Variants in PCDH15 observed in about 807,000 individuals in gnomAD.
The protein encoded by PCDH15 is protocadherin-15.
In PCDH15, 129 loss-of-function variants were observed where a neutral mutation model predicts 178.5. The ratio of observed to expected loss-of-function variants is 0.72; its 90% CI spans 0.63 to 0.84. PCDH15 has a LOEUF of 0.84. PCDH15 is among the 40% of genes least tolerant of loss of function. PCDH15 has a pLI of 0.00. For missense variants in PCDH15, 2,230 were observed against 2,099.9 expected, an observed-to-expected ratio of 1.06 and a Z score of -1.21; for synonymous variants, 800 against 732.0, an observed-to-expected ratio of 1.09 and a Z score of -1.50.
intron 3 of PCDH15, among the ~76,000 whole-genome samples, chr10:54,451,343 G>GAATCT (rs2076466697): frequency 6.6e-6 from 1 of 151,834 alleles, no homozygotes; most frequent in Non-Finnish European, 1.5e-5. Flanking sequence ...TTCAACTAGT[G>GAATCT]AGCATTATCT....
intron 2 of PCDH15, among the ~76,000 whole-genome samples, chr10:55,086,430 A>G (rs940109804): frequency 1.3e-5 from 2 of 152,216 alleles, no homozygotes; most frequent in African/African-American, 4.8e-5. Flanking sequence ...GTCAAAAATT[A>G]TCACTATAAA....
chr10:54,430,416 CACAAA>C lies in PCDH15; in HGVS notation c.158-51479_158-51475del, dbSNP rs199648922. On this transcript the variant is annotated intron_variant, in intron 3 of 37. Transcript: ENST00000644397. Reference sequence around the variant, plus strand: ...CTCAAGGATAGAACATGTGTTAGATCACAAAACAAGTCTTAAAACATTCAAAAAAA... The same window carrying C: ...CTCAAGGATAGAACATGTGTTAGATCACAAGTCTTAAAACATTCAAAAAAA... Among the ~76,000 whole-genome samples the C allele has an allele frequency of 6.0e-3, 918 of 152,188 alleles. 1 individual carries two copies. Among genetic ancestry groups the C allele is most frequent in the Non-Finnish European group, 0.011 (738 of 68,018 alleles).
intron 2 of PCDH15, among the ~76,000 whole-genome samples, chr10:55,076,129 G>A (rs1419393227): frequency 6.6e-6 from 1 of 152,106 alleles, no homozygotes; most frequent in Admixed American, 6.6e-5. Flanking sequence ...TTTAAAAAAT[G>A]AGACTTGTTT....
chr10:54,772,598 T>A (rs116847531), intron 1 of PCDH15, among the ~76,000 whole-genome samples: 151,671 of 152,210 alleles, frequency 1, 75,570 homozygotes, highest in Middle Eastern at 1. Flanking sequence ...TGGCTCTTAT[T>A]AACGTTCAAA....
intron 16 of PCDH15, among the ~76,000 whole-genome samples, chr10:54,087,174 T>C (rs1424024998): frequency 6.6e-6 from 1 of 151,912 alleles, no homozygotes; most frequent in Non-Finnish European, 1.5e-5. Flanking sequence ...TTAATTCAGA[T>C]ATCATAAAAT....
intron 3 of PCDH15, among the ~76,000 whole-genome samples, chr10:54,849,577 C>A (rs1953577465): frequency 6.6e-6 from 1 of 152,126 alleles, no homozygotes. Flanking sequence ...ACTGGCCATC[C>A]ATATAATACT....
intron 2 of PCDH15, among the ~76,000 whole-genome samples, chr10:55,413,399 C>T (rs1225341077): frequency 2.0e-5 from 3 of 151,438 alleles, no homozygotes; most frequent in Non-Finnish European, 3.0e-5. Context: ...TTTTAAAGGA[C>T]TATATAAGTG....
chr10:55,364,959 T>A, intron 2 of PCDH15, among the ~76,000 whole-genome samples: 1 of 152,198 alleles, frequency 6.6e-6, no homozygotes, highest in Admixed American at 6.6e-5. Flanking sequence ...TTCAATTGGT[T>A]CTTTAAAAAA....
chr10:54,193,074 T>G (rs1426835850), intron 11 of PCDH15, among the ~76,000 whole-genome samples: 1 of 152,174 alleles, frequency 6.6e-6, no homozygotes, highest in East Asian at 1.9e-4. Flanking sequence ...CTTCAGAGCA[T>G]TTCATAGACT....
At chr10:53,915,325 A>G (rs2083443516) in intron 25 of PCDH15, among the ~76,000 whole-genome samples, 1 of 152,140 alleles carries the variant, frequency 6.6e-6, no homozygotes, top group African/African-American at 2.4e-5. Flanking sequence ...CAGAGATTAT[A>G]TTTAGCTATA....
In PCDH15 at chr10:55,294,698, T is replaced by C. The variant is rs541457134; in HGVS notation, c.-156+24901A>G. ...AGTCCAATGTGTTCATCATTCCCAA[T>C]AAGCCTATGAACATATTGAATAGTC... On this transcript the variant is annotated intron_variant, in intron 1 of 5. Coordinates refer to the PCDH15 transcript ENST00000458638. Among the ~76,000 whole-genome samples the C allele has an allele frequency of 1.7e-4, 26 of 152,326 alleles. No homozygotes were observed. In the Middle Eastern group the frequency reaches 0.017, roughly 100 times the overall value.
intron 3 of PCDH15, among the ~76,000 whole-genome samples, chr10:54,386,768 C>A (rs1480954436): frequency 6.6e-6 from 1 of 152,114 alleles, no homozygotes; most frequent in Non-Finnish European, 1.5e-5. Context: ...TAATAAACCA[C>A]CTCACATTCA....
intron 2 of PCDH15, among the ~76,000 whole-genome samples, chr10:54,634,548 T>C (rs553140771): frequency 3.9e-4 from 60 of 152,178 alleles, no homozygotes; most frequent in African/African-American, 1.4e-3. Context: ...AATCTAAGCA[T>C]GTCTATGCTT....
chr10:54,158,695 T>C (rs2045406683), intron 13 of PCDH15, among the ~76,000 whole-genome samples: 1 of 132,888 alleles, frequency 7.5e-6, no homozygotes, highest in South Asian at 2.9e-4. Context: ...AACATTCAAA[T>C]TGGAGTCTCA....
chr10:54,297,778 C>A (rs1000586672), intron 8 of PCDH15, among the ~76,000 whole-genome samples: 3 of 152,128 alleles, frequency 2.0e-5, no homozygotes, highest in Non-Finnish European at 4.4e-5. Flanking sequence ...TTCAGATGAT[C>A]CTGATAGGTA....
intron 2 of PCDH15, among the ~76,000 whole-genome samples, chr10:55,147,816 CCTT>C (rs142320745): frequency 0.37 from 56,122 of 151,090 alleles, 10,817 homozygotes; most frequent in Admixed American, 0.47. Flanking sequence ...TGTTCCTCCT[CCTT>C]CTCCTCTTCC....
chr10:55,353,747 T>G (rs934263961), intron 2 of PCDH15, among the ~76,000 whole-genome samples: 1 of 152,068 alleles, frequency 6.6e-6, no homozygotes, highest in Admixed American at 6.6e-5. Context: ...CAAAGGCTCT[T>G]CTGATGATCA....
chr10:54,976,850 A>G (rs1162032506), intron 2 of PCDH15, among the ~76,000 whole-genome samples: 1 of 152,174 alleles, frequency 6.6e-6, no homozygotes, highest in African/African-American at 2.4e-5. Flanking sequence ...TTAGGGAGGA[A>G]CTGTTATCCT....
At chr10:55,321,314 A>G (rs535603383), upstream of PCDH15, among the ~76,000 whole-genome samples, 1 of 152,260 alleles carries the variant, frequency 6.6e-6, no homozygotes, top group South Asian at 2.1e-4. Context: ...ATAAAGGAGA[A>G]TGAATAAAAT....
Sources: gnomAD v4.1 joint callset for allele counts (sites outside exome capture counted in the v4.1 genomes callset) on GRCh38, gnomAD v4.1.1 for gene constraint, MANE v1.5 for transcripts, NCBI Gene and HGNC (gene_info 2026-07-23, HGNC 2026-07-21) for gene names.